The following IGDCC3 variants were observed in gnomAD, a reference collection of about 807,000 sequenced individuals.
The protein encoded by IGDCC3 is immunoglobulin superfamily DCC subclass member 3.
In IGDCC3, 47 loss-of-function variants were observed where a neutral mutation model predicts 72.0. The observed-to-expected ratio is 0.65, with a 90% CI of 0.52 to 0.83. The LOEUF is 0.83. IGDCC3 is among the 40% of genes least tolerant of loss of function. The pLI is 0.00. For synonymous variants in IGDCC3, 477 were observed against 472.8 expected (o/e 1.01, Z -0.11); for missense variants, 1,038 against 1,091.3 (o/e 0.95, Z 0.69).
chr15:65,329,113 G>A lies in IGDCC3; in HGVS notation c.2241C>T (p.Thr747=), dbSNP rs755497659. The change falls in exon 14 of 14, where the codon ACC becomes ACT. Residue 747 remains threonine, a synonymous_variant. Coordinates refer to ENST00000327987, the MANE Select transcript of IGDCC3 (RefSeq NM_004884.4). The surrounding 1 kb of genome is among the most constrained non-coding windows in gnomAD (Gnocchi z 4.1). The part of the protein sequence containing the change: ...DPAAPAPCEE[T]QLSVLPLQGC... Reference sequence around the variant, plus strand: ...CCTGAAGTGGCAGCACGGAGAGCTGGGTCTCCTCACACGGAGCGGGGGCTG... The same window carrying A: ...CCTGAAGTGGCAGCACGGAGAGCTGAGTCTCCTCACACGGAGCGGGGGCTG... The A allele has an allele frequency of 1.2e-6, 2 of 1,610,446 alleles. No homozygotes were observed. Among genetic ancestry groups the A allele is most frequent in the Admixed American group, 1.7e-5 (1 of 59,390 alleles).
intron 2 of IGDCC3, among the ~76,000 whole-genome samples, chr15:65,341,800 G>T (rs896769354): frequency 1.3e-5 from 2 of 152,138 alleles, no homozygotes; most frequent in South Asian, 2.1e-4. Context: ...TTGAGACAGG[G>T]TCTTGCTCTG....
intron 2 of IGDCC3, among the ~76,000 whole-genome samples, chr15:65,372,207 G>A (rs558392851): frequency 6.6e-6 from 1 of 152,272 alleles, no homozygotes; most frequent in East Asian, 1.9e-4. Context: ...GGGGTGTGCT[G>A]GTCCTCACAG....
chr15:65,330,810 T>C, intron 9 of IGDCC3, 69 bp from the exon 10 acceptor site: 1 of 1,346,438 alleles, frequency 7.4e-7, no homozygotes. Flanking sequence ...CTTCCACCTG[T>C]GACCCCGACC....
chr15:65,370,785 G>GTTAT (rs375165544), intron 2 of IGDCC3, among the ~76,000 whole-genome samples: 6 of 151,376 alleles, frequency 4.0e-5, no homozygotes, highest in African/African-American at 9.7e-5. Flanking sequence ...CCTCCCCCAT[G>GTTAT]TTATTTATTT....
rs1567058358 is a variant in IGDCC3, at chr15:65,328,294, G to GTTTTTTTTTT, written c.*614_*615insAAAAAAAAAA. The GTTTTTTTTTT allele has an allele frequency of 3.5e-5, 3 of 86,698 alleles. No individual in the cohort carries two copies. The highest frequency in any genetic ancestry group is 6.9e-5 in the Non-Finnish European group (3 of 43,212). 5.4% of individuals were successfully genotyped at this position (86,698 alleles called of 1,614,324 possible). ...CTTTCACACCTGGAAACGGGGAAGT[G>GTTTTTTTTTT]CTTTTTTTTTTTTTTTTTTTTTTAC... On this transcript the variant is annotated 3_prime_UTR_variant, in exon 14 of 14. Coordinates refer to ENST00000327987, the MANE Select transcript of IGDCC3 (RefSeq NM_004884.4).
intron 2 of IGDCC3, among the ~76,000 whole-genome samples, chr15:65,370,516 ATATAT>A (rs1490244755): frequency 3.5e-4 from 36 of 103,206 alleles, no homozygotes; most frequent in Middle Eastern, 4.6e-3. Context: ...CAAAAAAAAA[ATATAT>A]ATATATATAT....
intron 2 of IGDCC3, among the ~76,000 whole-genome samples, chr15:65,337,282 C>A (rs1394545527): frequency 6.6e-6 from 1 of 152,216 alleles, no homozygotes; most frequent in Non-Finnish European, 1.5e-5. Flanking sequence ...CACCGCCCTG[C>A]CTCCTCGTCT....
At position 65,356,790 on chromosome 15, in the gene IGDCC3, T is replaced by C. The variant is rs150624771; in HGVS notation, c.409+18307A>G. Among the ~76,000 whole-genome samples the C allele has an allele frequency of 9.2e-4, 139 of 150,648 alleles. 2 individuals carry two copies. In the East Asian group the frequency reaches 0.026, roughly 28 times the overall value. ...ACAGAGTACTTGGCACAGAGGCAGA[T>C]AGGTGCAGGATAGATACTCTTAGAG... On this transcript the variant is annotated intron_variant, in intron 2 of 13. Transcript: ENST00000327987.
In IGDCC3 at chr15:65,331,553, A is replaced by G; in HGVS notation, c.1255T>C (p.Trp419Arg). 6.2e-7 allele frequency: 1 copy of G among 1,613,720 alleles called. No individual in the cohort carries two copies. Among genetic ancestry groups the G allele is most frequent in the East Asian group, 2.2e-5 (1 of 44,862 alleles). The change falls in exon 8 of 14, where the codon TGG becomes CGG. Residue 419 changes from tryptophan (W) to arginine (R), a missense_variant. Coordinates refer to ENST00000327987, the MANE Select transcript of IGDCC3 (RefSeq NM_004884.4). ...SQASARLTVLWAEGLPGPPRN... is the reference protein window; with the variant it reads ...SQASARLTVLRAEGLPGPPRN... Reference sequence around the variant, plus strand: ...GGAGGCCCGGGGAGCCCCTCAGCCCACAGTACGGTCAGCCTGGCACTGGCC... The same window carrying G: ...GGAGGCCCGGGGAGCCCCTCAGCCCGCAGTACGGTCAGCCTGGCACTGGCC...
intron 6 of IGDCC3, 127 bp from the exon 7 acceptor site, chr15:65,332,233 C>T: frequency 8.9e-7 from 1 of 1,118,570 alleles, no homozygotes; most frequent in South Asian, 1.6e-5. Context: ...ACACATCTGC[C>T]CCCTGGAGAC....
At chr15:65,356,072 G>T (rs76185795) in intron 2 of IGDCC3, 3,494 of 251,930 alleles carry the variant, frequency 0.014, 38 homozygotes, top group Middle Eastern at 0.031. Context: ...TCTCAGGGGC[G>T]CTCTAACTGA....
chr15:65,331,963 C>T lies in IGDCC3; in HGVS notation c.1126G>A (p.Val376Ile), dbSNP rs756418199. Residue 376 changes from valine (V) to isoleucine (I), a missense_variant, in exon 7 of 14, where the codon GTC becomes ATC. Transcript: ENST00000327987. ...NGQVLGPGGH[V>I]RLKNNNSTLT... ...TACCTGTTGTTATTCTTGAGCCTGA[C>T]GTGGCCTCCTGGCCCCAGCACCTGT... 1.1e-5 allele frequency: 18 copies of T among 1,613,834 alleles called. No individual in the cohort carries two copies. The East Asian group carries it at 3.3e-4, about 30-fold the overall frequency.
At chr15:65,344,103 A>T (rs1363235102) in intron 2 of IGDCC3, among the ~76,000 whole-genome samples, 2 of 152,162 alleles carry the variant, frequency 1.3e-5, no homozygotes, top group Non-Finnish European at 2.9e-5. Flanking sequence ...CTGAGAGTTG[A>T]ATGAAGGCTC....
chr15:65,349,357 T>C (rs1202550709), intron 2 of IGDCC3, among the ~76,000 whole-genome samples: 2 of 152,208 alleles, frequency 1.3e-5, no homozygotes, highest in African/African-American at 4.8e-5. Context: ...AAGGCTGACA[T>C]GCCGGCAAAA....
intron 2 of IGDCC3, among the ~76,000 whole-genome samples, chr15:65,338,567 C>T (rs2091051340): frequency 7.4e-6 from 1 of 134,346 alleles, no homozygotes; most frequent in Admixed American, 8.0e-5. Context: ...GCTGGCTGCA[C>T]AGGTGTGGTC....
chr15:65,361,933 C>A (rs1311680778), intron 2 of IGDCC3, among the ~76,000 whole-genome samples: 1 of 152,184 alleles, frequency 6.6e-6, no homozygotes, highest in African/African-American at 2.4e-5. Context: ...AGACGTTCTG[C>A]GACCAGGGAT....
In IGDCC3 at chr15:65,377,734, G is replaced by T; in HGVS notation, c.55C>A (p.Arg19=). 7.4e-7 allele frequency: 1 copy of T among 1,356,788 alleles called. No individual in the cohort carries two copies. The highest frequency in any genetic ancestry group is 9.4e-7 in the Non-Finnish European group (1 of 1,058,804). The allele number at this position is 1,356,788 out of a possible 1,614,324, so 84.0% of individuals were successfully genotyped here. ...AGCAACAGCAGCGGCAGCAGGAGCCGGGGCCAGAGCGGGGCGGGCGGGCGG... is the reference window on the plus strand; with the variant it reads ...AGCAACAGCAGCGGCAGCAGGAGCCTGGGCCAGAGCGGGGCGGGCGGGCGG... The part of the protein sequence containing the change: ...PRRPPAPLWP[R]LLLPLLLLLL... The change falls in exon 1 of 14, where the codon CGG becomes AGG. Residue 19 remains arginine (R), a synonymous_variant. Coordinates refer to ENST00000327987, the MANE Select transcript of IGDCC3 (RefSeq NM_004884.4). The surrounding 1 kb of genome is among the most constrained non-coding windows in gnomAD (Gnocchi z 4.9).
At chr15:65,362,790 C>T (rs1011429489) in intron 2 of IGDCC3, among the ~76,000 whole-genome samples, 1 of 151,716 alleles carries the variant, frequency 6.6e-6, no homozygotes, top group Admixed American at 6.6e-5. Context: ...TCAGACCCAC[C>T]AACGGTCCTG....
chr15:65,328,709 T>C lies in IGDCC3; in HGVS notation c.*200A>G, dbSNP rs533319467. 3 of 485,520 alleles carry C rather than the reference T, an allele frequency of 6.2e-6. No homozygotes were observed. The South Asian group carries it at 2.4e-4, about 39-fold the overall frequency. The allele number at this position is 485,520 out of a possible 1,614,324, so 30.1% of individuals were successfully genotyped here. On this transcript the variant is annotated 3_prime_UTR_variant, in exon 14 of 14. Transcript: ENST00000327987. ...GGAAGGAACAGGCTCCTGCAGGAAC[T>C]GCTCCAACTCCTGATGGGTGTTAGG... is the stretch of plus-strand genomic sequence containing the variant.
Sources: gnomAD v4.1 joint callset for allele counts (sites outside exome capture counted in the v4.1 genomes callset) on GRCh38, gnomAD v4.1.1 for gene constraint, Gnocchi (gnomAD v3.1) non-coding constraint, MANE v1.5 for transcripts, NCBI Gene and HGNC (gene_info 2026-07-23, HGNC 2026-07-21) for gene names.